Variants in PTPRR observed in about 807,000 individuals in gnomAD.
PTPRR encodes protein tyrosine phosphatase receptor type R.
PTPRR carries 38 observed loss-of-function variants against 77.2 expected under a neutral mutation model. The ratio of observed to expected loss-of-function variants is 0.49; its 90% CI spans 0.38 to 0.65. The LOEUF is 0.65. PTPRR is among the 30% of genes least tolerant of loss of function. The pLI is 0.00. For synonymous variants in PTPRR, 299 were observed against 283.1 expected, an observed-to-expected ratio of 1.06 and a Z score of -0.57; for missense variants, 744 against 799.2, an observed-to-expected ratio of 0.93 and a Z score of 0.83.
intron 8 of PTPRR, 39 bp from the exon 9 acceptor site, chr12:70,684,822 T>C (rs376968598): frequency 6.9e-7 from 1 of 1,446,392 alleles, no homozygotes; most frequent in African/African-American, 1.4e-5. Flanking sequence ...TAAACAGATT[T>C]ACCCTTTTTA....
In PTPRR at chr12:70,843,941, G is replaced by A. The variant is rs986896108; in HGVS notation, c.357+48738C>T. 6.0e-5 allele frequency among the ~76,000 whole-genome samples: 9 copies of A among 150,132 alleles called. 1 individual carries two copies. The South Asian group carries it at 6.3e-4, about 11-fold the overall frequency. On this transcript the variant is annotated intron_variant, in intron 2 of 13. Transcript: ENST00000283228. ...AGTGATTCTCCTGCCTCAGCCTCCC[G>A]AGTAGCTGGGTTTACAGGTGTCTGC... is the stretch of plus-strand genomic sequence containing the variant.
chr12:70,872,712 A>C (rs1166703108), intron 2 of PTPRR, among the ~76,000 whole-genome samples: 4 of 149,588 alleles, frequency 2.7e-5, no homozygotes, highest in East Asian at 2.0e-4. Context: ...AAAAAAAAAA[A>C]AAAAAAAACA....
intron 2 of PTPRR, among the ~76,000 whole-genome samples, chr12:70,824,276 C>T (rs1892071869): frequency 6.6e-6 from 1 of 152,146 alleles, no homozygotes; most frequent in Non-Finnish European, 1.5e-5. Flanking sequence ...ATGGCACCTA[C>T]CATATAGTAA....
chr12:70,887,323 G>A (rs534128219), intron 2 of PTPRR, among the ~76,000 whole-genome samples: 43 of 152,084 alleles, frequency 2.8e-4, no homozygotes, highest in Admixed American at 2.4e-3. Context: ...GTGGTGGTCC[G>A]TGCCTATCGT....
At chr12:70,656,493 C>T (rs960994183) in intron 13 of PTPRR, among the ~76,000 whole-genome samples, 3 of 152,200 alleles carry the variant, frequency 2.0e-5, no homozygotes, top group African/African-American at 7.2e-5. Context: ...TGCACCACTG[C>T]ACTCCAGCCT....
intron 2 of PTPRR, among the ~76,000 whole-genome samples, chr12:70,776,128 C>T (rs111436123): frequency 6.6e-6 from 1 of 152,116 alleles, no homozygotes; most frequent in Non-Finnish European, 1.5e-5. Flanking sequence ...TTCTTCCTAT[C>T]CACAATCAAA....
intron 2 of PTPRR, among the ~76,000 whole-genome samples, chr12:70,850,088 A>T (rs1300002833): frequency 1.3e-5 from 2 of 152,170 alleles, no homozygotes; most frequent in Non-Finnish European, 2.9e-5. Flanking sequence ...CTGGCTGGGC[A>T]TGGTGGCTCA....
chr12:70,757,954 G>A (rs1162637030), intron 4 of PTPRR, among the ~76,000 whole-genome samples: 1 of 152,130 alleles, frequency 6.6e-6, no homozygotes, highest in African/African-American at 2.4e-5. Context: ...TTTTTGCAGG[G>A]CTTCTTTAGG....
intron 2 of PTPRR, among the ~76,000 whole-genome samples, chr12:70,842,709 TC>T (rs1023198450): frequency 6.6e-6 from 1 of 152,198 alleles, no homozygotes; most frequent in Non-Finnish European, 1.5e-5. Context: ...TTGAGAGCTT[TC>T]CAGGATTGCT....
chr12:70,672,341 G>A, intron 10 of PTPRR: 2 of 1,495,636 alleles, frequency 1.3e-6, no homozygotes, highest in Non-Finnish European at 1.9e-6. Flanking sequence ...CTCCATTGTG[G>A]AGCCCTATGA....
intron 10 of PTPRR, chr12:70,672,472 A>C (rs559069667): frequency 1.8e-6 from 2 of 1,131,244 alleles, no homozygotes; most frequent in East Asian, 4.9e-5. Flanking sequence ...GGCTGGCTTC[A>C]CTGCGGCTCA....
At chr12:70,665,093 G>A (rs1254711909) in intron 10 of PTPRR, among the ~76,000 whole-genome samples, 3 of 152,156 alleles carry the variant, frequency 2.0e-5, no homozygotes, top group Non-Finnish European at 4.4e-5. Flanking sequence ...CACACTAATT[G>A]TAGGTGATTC....
At chr12:70,912,619 G>T (rs1185560902) in intron 1 of PTPRR, among the ~76,000 whole-genome samples, 2 of 152,076 alleles carry the variant, frequency 1.3e-5, no homozygotes, top group Non-Finnish European at 2.9e-5. Context: ...AATTTTAATG[G>T]ACATCAACAT....
chr12:70,854,133 T>G (rs774638916), intron 2 of PTPRR, among the ~76,000 whole-genome samples: 1 of 152,218 alleles, frequency 6.6e-6, no homozygotes, highest in Non-Finnish European at 1.5e-5. Flanking sequence ...AAGGCATATA[T>G]TGAAGAAAGG....
intron 1 of PTPRR, among the ~76,000 whole-genome samples, chr12:70,900,693 C>T (rs1401840266): frequency 1.3e-5 from 2 of 151,242 alleles, no homozygotes; most frequent in African/African-American, 4.8e-5. Flanking sequence ...AAAATTAACC[C>T]AGTGAAAAGA....
chr12:70,757,193 ATG>A (rs1890583336), intron 4 of PTPRR, among the ~76,000 whole-genome samples: 2 of 152,224 alleles, frequency 1.3e-5, no homozygotes, highest in African/African-American at 4.8e-5. Flanking sequence ...TTACATTTGT[ATG>A]TAATGGCTTT....
At chr12:70,703,206 T>C (rs888705476) in intron 6 of PTPRR, among the ~76,000 whole-genome samples, 3 of 152,200 alleles carry the variant, frequency 2.0e-5, no homozygotes, top group African/African-American at 7.2e-5. Flanking sequence ...CCAATATTAC[T>C]TTCTTTCCTG....
chr12:70,644,339 G>A (rs1397488545), intron 13 of PTPRR, among the ~76,000 whole-genome samples: 4 of 152,134 alleles, frequency 2.6e-5, no homozygotes, highest in Non-Finnish European at 4.4e-5. Flanking sequence ...TACCAAAAAA[G>A]AGTAAGGTCA....
At chr12:70,861,489 A>C (rs1209427663) in intron 2 of PTPRR, among the ~76,000 whole-genome samples, 1 of 152,166 alleles carries the variant, frequency 6.6e-6, no homozygotes, top group Non-Finnish European at 1.5e-5. Context: ...AGAAGTCATC[A>C]GTCGGATTGT....
Sources: allele counts gnomAD v4.1 joint callset (sites outside exome capture counted in the v4.1 genomes callset), GRCh38; gene constraint gnomAD v4.1.1; transcripts MANE v1.5; gene names NCBI Gene and HGNC (gene_info 2026-07-23, HGNC 2026-07-21).